The following SATB1 variants were observed in gnomAD, a reference collection of about 807,000 sequenced individuals.
The protein encoded by SATB1 is DNA-binding protein SATB1.
In SATB1, 11 loss-of-function variants were observed where a neutral mutation model predicts 86.9. That is an observed-to-expected ratio of 0.13 (90% CI 0.08 to 0.21). The LOEUF is 0.21. Among genes scored for constraint, SATB1 ranks in the 10% least tolerant of loss-of-function variants. The probability of loss-of-function intolerance (pLI) is 1.00; values close to 1 mark genes in which losing one functional copy is unlikely to be tolerated. For missense variants in SATB1, 551 were observed against 937.6 expected, an observed-to-expected ratio of 0.59 and a Z score of 5.39; for synonymous variants, 357 against 357.2, an observed-to-expected ratio of 1.00 and a Z score of 0.01.
At chr3:18,371,069 G>A (rs1005230682) in intron 9 of SATB1, among the ~76,000 whole-genome samples, 3 of 152,134 alleles carry the variant, frequency 2.0e-5, no homozygotes, top group African/African-American at 2.4e-5. Context: ...TCTGATTTAC[G>A]AAATCAGAGG....
At chr3:18,439,456 A>G (rs894603870), upstream of SATB1, among the ~76,000 whole-genome samples, 1 of 152,188 alleles carries the variant, frequency 6.6e-6, no homozygotes, top group African/African-American at 2.4e-5. Context: ...ATAAACAGCA[A>G]AAGATACCAT....
At position 18,424,317 on chromosome 3, in the gene SATB1, A is replaced by ACCCCCCCCCCCCCCCCCC. The variant is rs1433077009; in HGVS notation, c.-716_-715insGGGGGGGGGGGGGGGGGG. ...AGGCCACCTCGCCTCCCTTCCAATC[A>ACCCCCCCCCCCCCCCCCC]CCCCCACCCCCCTCGCCAACAATCG... On this transcript the variant is annotated 5_prime_UTR_variant, in exon 1 of 11. Transcript: ENST00000338745. 8.0e-6 allele frequency: 1 copy of ACCCCCCCCCCCCCCCCCC among 125,432 alleles called. No individual in the cohort carries two copies. Among genetic ancestry groups the ACCCCCCCCCCCCCCCCCC allele is most frequent in the Non-Finnish European group, 1.7e-5 (1 of 58,946 alleles). The allele number at this position is 125,432 out of a possible 1,614,324, so 7.8% of individuals were successfully genotyped here.
chr3:18,434,882 C>T (rs551630801), intron 2 of SATB1: 3 of 151,786 alleles, frequency 2.0e-5, no homozygotes, highest in South Asian at 2.1e-4. Context: ...AAAAAATAAC[C>T]GCTAAGGCAA....
At chr3:18,411,760 T>C (rs905993719) in intron 5 of SATB1, among the ~76,000 whole-genome samples, 2 of 151,908 alleles carry the variant, frequency 1.3e-5, no homozygotes, top group Non-Finnish European at 2.9e-5. Flanking sequence ...GTGTTTCTTA[T>C]GTCTTAGAAC....
intron 5 of SATB1, among the ~76,000 whole-genome samples, chr3:18,406,440 A>G (rs1343446283): frequency 2.0e-5 from 3 of 152,058 alleles, no homozygotes; most frequent in African/African-American, 4.8e-5. Flanking sequence ...AATGAAAATA[A>G]TAGTGAAGAA....
At chr3:18,429,518 G>C (rs774687817), upstream of SATB1, among the ~76,000 whole-genome samples, 1 of 152,160 alleles carries the variant, frequency 6.6e-6, no homozygotes, top group African/African-American at 2.4e-5. This position sits in a 1 kb window ranked among gnomAD's most constrained non-coding sequence, Gnocchi z 4.1. Flanking sequence ...AAGATCCTAC[G>C]TCTTAAACAG....
intron 9 of SATB1, among the ~76,000 whole-genome samples, chr3:18,377,586 T>C (rs1422645611): frequency 6.6e-6 from 1 of 152,144 alleles, no homozygotes; most frequent in South Asian, 2.1e-4. Context: ...GTTGGACAAG[T>C]TGTAATCAAT....
At chr3:18,379,801 T>C (rs1247440815) in intron 8 of SATB1, among the ~76,000 whole-genome samples, 1 of 152,182 alleles carries the variant, frequency 6.6e-6, no homozygotes, top group Non-Finnish European at 1.5e-5. Flanking sequence ...TGGGAAATAG[T>C]TGGCCCGCAG....
intron 5 of SATB1, 46 bp downstream of exon 5, chr3:18,415,065 G>T: frequency 6.2e-7 from 1 of 1,605,386 alleles, no homozygotes; most frequent in South Asian, 1.1e-5. Flanking sequence ...CTCAAATCAG[G>T]GTTGCCCATG....
chr3:18,370,209 AT>A (rs1695396094), intron 9 of SATB1, among the ~76,000 whole-genome samples: 1 of 152,186 alleles, frequency 6.6e-6, no homozygotes, highest in Non-Finnish European at 1.5e-5. Flanking sequence ...AACAAAGCAT[AT>A]TTTGGAATGA....
intron 9 of SATB1, among the ~76,000 whole-genome samples, chr3:18,358,794 A>G (rs1694776030): frequency 6.6e-6 from 1 of 152,050 alleles, no homozygotes; most frequent in Non-Finnish European, 1.5e-5. Context: ...CTTAACTTCT[A>G]AACTGTTACT....
intron 9 of SATB1, among the ~76,000 whole-genome samples, chr3:18,368,283 A>G (rs548544361): frequency 6.6e-6 from 1 of 152,350 alleles, no homozygotes; most frequent in East Asian, 1.9e-4. Flanking sequence ...TTACAAAGGT[A>G]GATTAAGATG....
intron 8 of SATB1, among the ~76,000 whole-genome samples, chr3:18,381,069 C>T (rs1032883399): frequency 1.3e-5 from 2 of 152,148 alleles, no homozygotes; most frequent in African/African-American, 2.4e-5. Context: ...AAGGCGGCGC[C>T]GGGGAAGTAG....
intron 4 of SATB1, among the ~76,000 whole-genome samples, 188 bp downstream of exon 4, chr3:18,415,819 G>T (rs1350607442): frequency 6.6e-6 from 1 of 151,794 alleles, no homozygotes; most frequent in Non-Finnish European, 1.5e-5. Context: ...GTGGGGGGGG[G>T]GATTGCTTTT....
chr3:18,351,355 T>C, intron 10 of SATB1: 1 of 1,555,602 alleles, frequency 6.4e-7, no homozygotes, highest in Non-Finnish European at 8.6e-7. Flanking sequence ...TCGGCAGGCC[T>C]GGTAAGAAAA....
rs1286687001 is a variant in SATB1 at position 18,349,157 on chromosome 3, A to C, written c.*13T>G. The C allele has an allele frequency of 6.2e-7, 1 of 1,610,456 alleles. No individual in the cohort carries two copies. The highest frequency in any genetic ancestry group is 8.5e-7 in the Non-Finnish European group (1 of 1,177,768). ...TACCAGTGGCACTGTTGAACGAAAC[A>C]AATACTTTTATCTCAGTCTTTCAAA... On this transcript the variant is annotated 3_prime_UTR_variant, in exon 11 of 11. Coordinates refer to ENST00000338745, the MANE Select transcript of SATB1 (RefSeq NM_002971.6). This position sits in a 1 kb window ranked among gnomAD's most constrained non-coding sequence, Gnocchi z 5.5.
rs773487833 is a variant in SATB1 at position 18,352,119 on chromosome 3, A to G, written c.1652T>C (p.Met551Thr). ...ENRTLWENLS[M>T]IRRFLSLPQP... ...AGGAAGACTGAGGAACCTTCGGATC[A>G]TGGAGAGGTTCTCCCACAGGGTTCT... Residue 551 changes from methionine to threonine, a missense_variant, in exon 10 of 11, where the codon ATG becomes ACG. Around this residue, in one of 8 missense-constraint regions of SATB1, gnomAD observed 110 missense variants for 212.2 expected, o/e 0.52. Transcript: ENST00000338745. This position sits in a 1 kb window ranked among gnomAD's most constrained non-coding sequence, Gnocchi z 4.1. 1 of 1,614,220 alleles carries G rather than the reference A, an allele frequency of 6.2e-7. No individual in the cohort carries two copies. Among genetic ancestry groups the G allele is most frequent in the East Asian group, 2.2e-5 (1 of 44,872 alleles).
chr3:18,401,964 G>C (rs1379144153), intron 5 of SATB1, among the ~76,000 whole-genome samples: 2 of 152,072 alleles, frequency 1.3e-5, no homozygotes, highest in Non-Finnish European at 2.9e-5. Flanking sequence ...CTTTCTAATT[G>C]TGAAAAGGTA....
intron 9 of SATB1, among the ~76,000 whole-genome samples, chr3:18,372,609 C>T (rs568056225): frequency 1.5e-4 from 23 of 152,038 alleles, no homozygotes; most frequent in Admixed American, 7.9e-4. Context: ...ATCCTAGATA[C>T]ACTAAAACAA....
Sources: gnomAD v4.1 joint callset for allele counts (sites outside exome capture counted in the v4.1 genomes callset) on GRCh38, gnomAD v4.1.1 for gene constraint, gnomAD v4.1.1 regional missense constraint, Gnocchi (gnomAD v3.1) non-coding constraint, MANE v1.5 for transcripts, NCBI Gene and HGNC (gene_info 2026-07-23, HGNC 2026-07-21) for gene names.